TTC27: variants seen among roughly 807,000 people sequenced by gnomAD.
TTC27 encodes tetratricopeptide repeat domain 27, also known as tetratricopeptide repeat protein 27.
In TTC27, 79 loss-of-function variants were observed where a neutral mutation model predicts 115.9. That is an observed-to-expected ratio of 0.68 (90% confidence interval 0.57 to 0.82). The LOEUF is 0.82. Ranked by LOEUF, TTC27 falls within the 40% of genes least tolerant of loss-of-function variation. The probability of loss-of-function intolerance (pLI) is 0.00; values close to 1 mark genes in which losing one functional copy is unlikely to be tolerated. For synonymous variants in TTC27, 401 were observed against 356.0 expected, an observed-to-expected ratio of 1.13 and a Z score of -1.42; for missense variants, 1,054 against 993.1, an observed-to-expected ratio of 1.06 and a Z score of -0.82.
chr2:32,798,713 A>ATAATAAT (rs1553321533), intron 16 of TTC27, among the ~76,000 whole-genome samples: 20 of 142,354 alleles, frequency 1.4e-4, no homozygotes, highest in African/African-American at 5.2e-4. Context: ...TCAAAAAAAA[A>ATAATAAT]AATAATAATA....
chr2:32,666,214 A>G (rs960795720), intron 6 of TTC27, among the ~76,000 whole-genome samples: 2 of 152,240 alleles, frequency 1.3e-5, no homozygotes, highest in African/African-American at 4.8e-5. Context: ...TATAGAACCA[A>G]AAGATCCTGG....
intron 9 of TTC27, among the ~76,000 whole-genome samples, chr2:32,682,844 GTTGTTTTTTTTTTTT>G (rs1666484144): frequency 1.8e-5 from 1 of 56,988 alleles, no homozygotes; most frequent in Non-Finnish European, 3.0e-5. Flanking sequence ...AATTTTTATT[GTTGTTTTTTTTTTTT>G]TTTTTTTTTT....
rs200122950 is a variant in TTC27 at position 32,777,978 on chromosome 2, G to A, written c.1777G>A (p.Asp593Asn). 3.8e-5 allele frequency: 62 copies of A among 1,613,786 alleles called. 1 individual carries two copies. The highest frequency in any genetic ancestry group is 4.9e-5 in the Non-Finnish European group (58 of 1,179,902). ...AFQRCVTLEP[D>N]NAEAWNNLST... ...TCAGCGCTGTGTGACTCTAGAACCC[G>A]ATGTAAGTTTGTTTGATCTTCTGTC... The change falls in exon 14 of 20, where the codon GAT becomes AAT. Residue 593 changes from aspartate to asparagine, a missense_variant and splice_region_variant. Coordinates refer to ENST00000317907, the MANE Select transcript of TTC27 (RefSeq NM_017735.5).
At chr2:32,656,780 GGTTT>G (rs1472114350) in intron 5 of TTC27, among the ~76,000 whole-genome samples, 54 of 152,160 alleles carry the variant, frequency 3.5e-4, no homozygotes, top group African/African-American at 1.3e-3. Flanking sequence ...CTTCTGATAA[GGTTT>G]GTTCAATTAT....
At chr2:32,669,499 A>G (rs900232811) in intron 7 of TTC27, among the ~76,000 whole-genome samples, 3 of 152,218 alleles carry the variant, frequency 2.0e-5, no homozygotes, top group African/African-American at 7.2e-5. Flanking sequence ...AGATTGTAAT[A>G]TACACCATCT....
intron 10 of TTC27, among the ~76,000 whole-genome samples, chr2:32,703,650 G>T (rs1667266799): frequency 1.3e-5 from 2 of 152,096 alleles, no homozygotes; most frequent in African/African-American, 4.8e-5. Context: ...TCCATATTCA[G>T]GTACCGTTCT....
intron 7 of TTC27, among the ~76,000 whole-genome samples, chr2:32,668,560 C>CCTTCCTT (rs1665881149): frequency 5.6e-4 from 9 of 15,994 alleles, no homozygotes; most frequent in African/African-American, 2.1e-3. Flanking sequence ...CTCCCTCCCT[C>CCTTCCTT]CCTTCCTTCC....
chr2:32,751,480 C>G (rs191085629), intron 12 of TTC27, among the ~76,000 whole-genome samples: 72 of 152,140 alleles, frequency 4.7e-4, no homozygotes, highest in Admixed American at 9.2e-4. Context: ...CTCAATATAT[C>G]TAATTCACTG....
At position 32,640,405 on chromosome 2, in the gene TTC27, A is replaced by T. The variant is rs140669547; in HGVS notation, c.532A>T (p.Ile178Phe). Residue 178 changes from isoleucine to phenylalanine, a missense_variant, in exon 4 of 20, where the codon ATT becomes TTT. Transcript: ENST00000317907. ...GAATGTAAGACATAAACTGACAGCTATTCAGGTAAGGAAAGGATCCATGAG... is the reference window on the plus strand; with the variant it reads ...GAATGTAAGACATAAACTGACAGCTTTTCAGGTAAGGAAAGGATCCATGAG... ...LVNVRHKLTA[I>F]QSLPWWTLRC... 3 of 1,613,474 alleles carry T rather than the reference A, an allele frequency of 1.9e-6. No homozygotes were observed. Among genetic ancestry groups the T allele is most frequent in the South Asian group, 2.2e-5 (2 of 90,974 alleles).
chr2:32,664,536 A>G (rs1337075401), intron 6 of TTC27, 69 bp downstream of exon 6: 2 of 1,369,628 alleles, frequency 1.5e-6, no homozygotes, highest in Non-Finnish European at 2.0e-6. Flanking sequence ...GGCAGTTTGT[A>G]TTGTATGTTG....
intron 16 of TTC27, among the ~76,000 whole-genome samples, chr2:32,790,535 A>T (rs558804137): frequency 1.3e-5 from 2 of 152,276 alleles, no homozygotes; most frequent in African/African-American, 4.8e-5. Flanking sequence ...GATCAGGCTG[A>T]TTAACATACC....
chr2:32,730,069 A>G (rs142789076), intron 10 of TTC27, among the ~76,000 whole-genome samples: 3 of 152,276 alleles, frequency 2.0e-5, no homozygotes, highest in East Asian at 3.9e-4. Context: ...AAATACCTCA[A>G]TAGTAGTGAG....
chr2:32,713,703 A>C (rs1344089267), intron 10 of TTC27, among the ~76,000 whole-genome samples: 18 of 152,130 alleles, frequency 1.2e-4, no homozygotes, highest in Non-Finnish European at 4.4e-5. Context: ...TGACTTTCTT[A>C]ACTGTGTTAA....
At chr2:32,804,538 A>G (rs752934953) in intron 16 of TTC27, among the ~76,000 whole-genome samples, 4 of 152,210 alleles carry the variant, frequency 2.6e-5, no homozygotes, top group Non-Finnish European at 4.4e-5. Context: ...CTATCAAAAT[A>G]CTATACTTAA....
At chr2:32,633,038 G>A (rs1664275106) in intron 2 of TTC27, among the ~76,000 whole-genome samples, 1 of 152,156 alleles carries the variant, frequency 6.6e-6, no homozygotes, top group South Asian at 2.1e-4. Context: ...TTTTGTTGTT[G>A]TTGTTGTTCT....
At chr2:32,766,125 C>T (rs1253741008) in intron 13 of TTC27, among the ~76,000 whole-genome samples, 2 of 152,166 alleles carry the variant, frequency 1.3e-5, no homozygotes, top group Admixed American at 6.5e-5. Context: ...TCTCAGTTTT[C>T]GACATGCCTT....
At chr2:32,681,024 G>A (rs1003675011) in intron 9 of TTC27, among the ~76,000 whole-genome samples, 1 of 152,044 alleles carries the variant, frequency 6.6e-6, no homozygotes. Flanking sequence ...CATAAATTCA[G>A]GTTTTGTGCT....
At chr2:32,736,061 C>G (rs186155639) in intron 11 of TTC27, among the ~76,000 whole-genome samples, 15 of 152,062 alleles carry the variant, frequency 9.9e-5, no homozygotes, top group African/African-American at 3.6e-4. Context: ...TTTTTTAAAT[C>G]TTTAAATTTT....
intron 2 of TTC27, among the ~76,000 whole-genome samples, chr2:32,631,731 AC>A (rs1416741362): frequency 6.6e-6 from 1 of 152,156 alleles, no homozygotes; most frequent in Non-Finnish European, 1.5e-5. Context: ...ATAAAGCATA[AC>A]CCATATTCAT....
Sources: allele counts gnomAD v4.1 joint callset (sites outside exome capture counted in the v4.1 genomes callset), GRCh38; gene constraint gnomAD v4.1.1; transcripts MANE v1.5; gene names NCBI Gene and HGNC (gene_info 2026-07-23, HGNC 2026-07-21).